PRKAR1A: variants seen among roughly 807,000 people sequenced by gnomAD.
PRKAR1A encodes the protein cAMP-dependent protein kinase type I-alpha regulatory subunit.
PRKAR1A carries 3 observed loss-of-function variants against 52.0 expected under a neutral mutation model. The observed-to-expected ratio is 0.06, with a 90% CI of 0.03 to 0.15. The LOEUF (loss-of-function observed/expected upper bound fraction) is 0.15, where lower values mean the gene tolerates loss of function less well. Ranked by LOEUF, PRKAR1A falls within the 10% of genes least tolerant of loss-of-function variation. The pLI, the probability that PRKAR1A is intolerant of heterozygous loss-of-function variation, is 1.00. For synonymous variants in PRKAR1A, 188 were observed against 168.4 expected (o/e 1.12, Z -0.90); for missense variants, 240 against 477.4 (o/e 0.50, Z 4.63).
chr17:68,456,242 A>AT, the PRKAR1A span, among the ~76,000 whole-genome samples: 2 of 152,224 alleles, frequency 1.3e-5, no homozygotes, highest in African/African-American at 4.8e-5. Context: ...AAACAAAGGC[A>AT]TATTGTTCAG....
chr17:68,540,878 A>G, intron 11 of PRKAR1A: 1 of 1,604,584 alleles, frequency 6.2e-7, no homozygotes, highest in Non-Finnish European at 8.5e-7. Flanking sequence ...GGCCATGTCG[A>G]TGACATTGAG....
downstream of PRKAR1A, among the ~76,000 whole-genome samples, chr17:68,534,617 T>G (rs1163443856): frequency 6.6e-6 from 1 of 151,668 alleles, no homozygotes; most frequent in Non-Finnish European, 1.5e-5. Context: ...GATTTCACTA[T>G]TAAAAGCCCC....
At chr17:68,469,508 C>T in the PRKAR1A span, among the ~76,000 whole-genome samples, 2 of 152,290 alleles carry the variant, frequency 1.3e-5, no homozygotes, top group South Asian at 4.1e-4. Flanking sequence ...TAGAGCAATG[C>T]CCCCATGTAT....
the PRKAR1A span, among the ~76,000 whole-genome samples, chr17:68,415,521 A>G: frequency 8.5e-5 from 13 of 152,286 alleles, no homozygotes; most frequent in South Asian, 1.9e-3. Context: ...TGTTCTGTAT[A>G]TATCTGTTAA....
chr17:68,514,344 G>A (rs1275706899), intron 1 of PRKAR1A, among the ~76,000 whole-genome samples: 1 of 152,142 alleles, frequency 6.6e-6, no homozygotes, highest in African/African-American at 2.4e-5. Context: ...GATTAGTATT[G>A]AATTCAGTTG....
chr17:68,457,945 T>A, the PRKAR1A span, among the ~76,000 whole-genome samples: 1 of 152,162 alleles, frequency 6.6e-6, no homozygotes, highest in African/African-American at 2.4e-5. Flanking sequence ...GTCCGGCAAC[T>A]GCGTCGGGGC....
downstream of PRKAR1A, chr17:68,535,907 C>A (rs1291369449): frequency 2.2e-6 from 1 of 453,954 alleles, no homozygotes; most frequent in African/African-American, 2.0e-5. Flanking sequence ...AGGTCTAAAC[C>A]ACTAAATTGT....
chr17:68,533,302 A>G lies in PRKAR1A; in HGVS notation c.*2853A>G, dbSNP rs2086026794. Reference sequence around the variant, plus strand: ...TCCAGTGAAATTGGAGATATGTTGTATGTTAGAAGAGCATTCTTTAAATTG... The same window carrying G: ...TCCAGTGAAATTGGAGATATGTTGTGTGTTAGAAGAGCATTCTTTAAATTG... On this transcript the variant is annotated 3_prime_UTR_variant, in exon 11 of 11. Coordinates refer to ENST00000589228, the MANE Select transcript of PRKAR1A (RefSeq NM_002734.5). 1 of 1,063,892 alleles carries G rather than the reference A, an allele frequency of 9.4e-7. No homozygotes were observed. Among genetic ancestry groups the G allele is most frequent in the Admixed American group, 5.3e-5 (1 of 18,716 alleles). 65.9% of individuals were successfully genotyped at this position (1,063,892 alleles called of 1,614,324 possible).
the PRKAR1A span, among the ~76,000 whole-genome samples, chr17:68,439,754 C>T: frequency 1.3e-5 from 2 of 152,250 alleles, no homozygotes; most frequent in East Asian, 1.9e-4. Context: ...AAACTCTGGC[C>T]GAGTTATTTG....
the PRKAR1A span, among the ~76,000 whole-genome samples, chr17:68,478,348 A>G: frequency 6.6e-6 from 1 of 152,094 alleles, no homozygotes; most frequent in African/African-American, 2.4e-5. Context: ...GCTACTCGAG[A>G]GGCTCAGACA....
At chr17:68,457,980 C>T in the PRKAR1A span, among the ~76,000 whole-genome samples, 12 of 152,218 alleles carry the variant, frequency 7.9e-5, no homozygotes, top group African/African-American at 2.6e-4. Flanking sequence ...CAGGAGGACG[C>T]GCTAGTTCCC....
At chr17:68,426,284 G>C in the PRKAR1A span, 1 of 845,386 alleles carries the variant, frequency 1.2e-6, no homozygotes, top group Non-Finnish European at 1.9e-6. Flanking sequence ...AAGCAAAGGG[G>C]CTGTCTGTCT....
rs1244071031 is a variant in PRKAR1A at position 68,532,017 on chromosome 17, T to C, written c.*1568T>C. On this transcript the variant is annotated 3_prime_UTR_variant, in exon 11 of 11. Transcript: ENST00000589228. Reference sequence around the variant, plus strand: ...ATTTAAATTGGTCATGGTAGATTTTTTTCATAGATTTGAAAAACTTTTAGG... The same window carrying C: ...ATTTAAATTGGTCATGGTAGATTTTCTTCATAGATTTGAAAAACTTTTAGG... 9.4e-7 allele frequency: 1 copy of C among 1,065,600 alleles called. No homozygotes were observed. Among genetic ancestry groups the C allele is most frequent in the Non-Finnish European group, 1.1e-6 (1 of 879,158 alleles). The allele number at this position is 1,065,600 out of a possible 1,614,324, so 66.0% of individuals were successfully genotyped here.
chr17:68,458,527 A>G, the PRKAR1A span, among the ~76,000 whole-genome samples: 1 of 152,220 alleles, frequency 6.6e-6, no homozygotes, highest in Non-Finnish European at 1.5e-5. Flanking sequence ...CAAAGTATCT[A>G]AACAAGACCT....
intron 7 of PRKAR1A, among the ~76,000 whole-genome samples, chr17:68,526,874 A>T (rs1429837874): frequency 6.6e-6 from 1 of 152,194 alleles, no homozygotes; most frequent in Non-Finnish European, 1.5e-5. Context: ...TGTGACACCC[A>T]GTTTACCTAT....
chr17:68,525,058 C>G (rs913778760), intron 6 of PRKAR1A, 100 bp downstream of exon 6: 5 of 930,918 alleles, frequency 5.4e-6, no homozygotes, highest in Non-Finnish European at 6.9e-6. Flanking sequence ...CATTACATCC[C>G]TTGTATGTCA....
Position 68,550,954 on chromosome 17 carries a change from G to A in PRKAR1A, c.974-130G>A, listed in dbSNP as rs182139722. 6,189 of 735,052 alleles carry A rather than the reference G, an allele frequency of 8.4e-3. 306 individuals are homozygous for A. The African/African-American group carries it at 0.1, about 12-fold the overall frequency. The allele number at this position is 735,052 out of a possible 1,614,324, so 45.5% of individuals were successfully genotyped here. A position where few individuals can be genotyped will look rare whatever the true frequency, so the allele number is the denominator to read the frequency against. ...GAACCATCTACTGGGGCTCTCAATGGGCCTCCCCTTGAATGGCTGAAGGTT... is the reference window on the plus strand; with the variant it reads ...GAACCATCTACTGGGGCTCTCAATGAGCCTCCCCTTGAATGGCTGAAGGTT... On this transcript the variant is annotated intron_variant, in intron 11 of 11. Transcript: ENST00000585981.
chr17:68,486,510 T>TTCCTTCCTTCCTTCCTTCC, the PRKAR1A span, among the ~76,000 whole-genome samples: 1 of 38,100 alleles, frequency 2.6e-5, no homozygotes, highest in Non-Finnish European at 5.7e-5. Context: ...TCCTTCCTTC[T>TTCCTTCCTTCCTTCCTTCC]TTCTTTCTTT....
the PRKAR1A span, among the ~76,000 whole-genome samples, chr17:68,466,655 AC>A: frequency 1.3e-5 from 2 of 150,164 alleles, no homozygotes; most frequent in South Asian, 2.1e-4. Context: ...CAAGTGATCC[AC>A]CCCCCTTGGC....
Sources: gnomAD v4.1 joint callset for allele counts (sites outside exome capture counted in the v4.1 genomes callset) on GRCh38, gnomAD v4.1.1 for gene constraint, MANE v1.5 for transcripts, NCBI Gene and HGNC (gene_info 2026-07-23, HGNC 2026-07-21) for gene names.